Variants in SOD2 observed in about 807,000 individuals in gnomAD.
SOD2 encodes the protein superoxide dismutase [Mn], mitochondrial.
In SOD2, 11 loss-of-function variants were observed where a neutral mutation model predicts 27.0. The observed-to-expected ratio is 0.41, with a 90% CI of 0.26 to 0.67. The LOEUF (loss-of-function observed/expected upper bound fraction) is 0.67. Ranked by LOEUF, SOD2 falls within the 30% of genes least tolerant of loss-of-function variation. SOD2 has a pLI of 0.34. For missense variants in SOD2, 250 were observed against 274.5 expected (o/e 0.91, Z 0.63); for synonymous variants, 105 against 103.0 (o/e 1.02, Z -0.12).
upstream of SOD2, among the ~76,000 whole-genome samples, chr6:159,747,189 A>G (rs1394508841): frequency 6.6e-6 from 1 of 152,232 alleles, no homozygotes; most frequent in Admixed American, 6.5e-5. Context: ...GAAGAAAATG[A>G]TGAATTTAAT....
chr6:159,712,632 CCTCCA>C, intron 1 of SOD2, among the ~76,000 whole-genome samples: 1 of 147,660 alleles, frequency 6.8e-6, no homozygotes, highest in Non-Finnish European at 1.5e-5. Context: ...TCCATAACCA[CCTCCA>C]TAACCACCAC....
At chr6:159,707,733 T>C (rs1487479486) in intron 1 of SOD2, among the ~76,000 whole-genome samples, 2 of 151,948 alleles carry the variant, frequency 1.3e-5, no homozygotes, top group Admixed American at 6.6e-5. Flanking sequence ...TTCCAATCAA[T>C]AGAAAAAGAG....
At chr6:159,727,659 C>T (rs1328390020), upstream of SOD2, 4 of 985,478 alleles carry the variant, frequency 4.1e-6, no homozygotes, top group Non-Finnish European at 4.8e-6. Context: ...AGCGCGGCCT[C>T]GGCCTATGCG....
upstream of SOD2, among the ~76,000 whole-genome samples, chr6:159,694,299 A>C (rs1010348484): frequency 1.2e-4 from 18 of 152,214 alleles, no homozygotes; most frequent in Admixed American, 1.0e-3. Flanking sequence ...GGAAATCTAC[A>C]CTGCCATTGG....
chr6:159,727,723 C>T (rs1157698705), upstream of SOD2: 12 of 985,302 alleles, frequency 1.2e-5, no homozygotes, highest in South Asian at 4.7e-5. Flanking sequence ...GGCCGGCTGG[C>T]GGGAGCGGAC....
chr6:159,748,226 G>T (rs7766006), upstream of SOD2: 322,389 of 1,613,474 alleles, frequency 0.2, 33,620 homozygotes, highest in East Asian at 0.38. The surrounding 1 kb of genome is among the most constrained non-coding windows in gnomAD (Gnocchi z 5.6). Flanking sequence ...TCCAGCAGCC[G>T]AGCGTTGCCC....
chr6:159,731,636 CTG>C (rs1241258795), upstream of SOD2, among the ~76,000 whole-genome samples: 5 of 152,140 alleles, frequency 3.3e-5, no homozygotes, highest in African/African-American at 9.7e-5. Context: ...AACACTGAGT[CTG>C]TGTTTTTGAT....
intron 1 of SOD2, among the ~76,000 whole-genome samples, chr6:159,704,993 C>G (rs1197490416): frequency 6.6e-6 from 1 of 152,234 alleles, no homozygotes; most frequent in Non-Finnish European, 1.5e-5. Flanking sequence ...GCAGCCTCCA[C>G]TGCTGATTCC....
At chr6:159,696,521 T>C (rs1317699918), upstream of SOD2, among the ~76,000 whole-genome samples, 1 of 152,024 alleles carries the variant, frequency 6.6e-6, no homozygotes, top group Non-Finnish European at 1.5e-5. Flanking sequence ...GGTTTCACCA[T>C]GTTGGCCAGG....
intron 2 of SOD2, chr6:159,690,918 C>T (rs974852480): frequency 1.3e-5 from 2 of 151,924 alleles, no homozygotes; most frequent in South Asian, 2.1e-4. Flanking sequence ...AAGTCAAATG[C>T]TTTTTGTTGA....
rs1583091982 is a variant in SOD2, at chr6:159,743,857, A to T, written c.-116+1273T>A. The T allele has an allele frequency of 2.0e-6, 3 of 1,466,430 alleles. No individual in the cohort carries two copies. The African/African-American group carries it at 4.3e-5, about 21-fold the overall frequency. The allele number at this position is 1,466,430 out of a possible 1,614,324, so 90.8% of individuals were successfully genotyped here. ...ATTGGTTTTTAGTCCACATTATTAC[A>T]TGTTAATTTTAAACATTTAATGCTA... On this transcript the variant is annotated intron_variant, in intron 1 of 3. Transcript: ENST00000537657.
chr6:159,728,269 A>AT (rs553143386), upstream of SOD2, among the ~76,000 whole-genome samples: 1,896 of 151,682 alleles, frequency 0.012, 17 homozygotes, highest in Middle Eastern at 0.037. Context: ...CAGTTACTAG[A>AT]TTTTTTTTTC....
chr6:159,688,379 G>GC, intron 2 of SOD2, 137 bp from the exon 3 acceptor site: 2 of 597,764 alleles, frequency 3.3e-6, no homozygotes, highest in Non-Finnish European at 3.0e-6. Context: ...CTAAAATTCA[G>GC]CACCCCCCCG....
At chr6:159,704,597 G>A (rs557199455) in intron 1 of SOD2, among the ~76,000 whole-genome samples, 9 of 152,294 alleles carry the variant, frequency 5.9e-5, no homozygotes, top group Non-Finnish European at 1.3e-4. Context: ...TGCCATTGCC[G>A]AGGCTTGAGC....
upstream of SOD2, among the ~76,000 whole-genome samples, chr6:159,729,528 C>T (rs1369246675): frequency 6.6e-6 from 1 of 152,156 alleles, no homozygotes; most frequent in African/African-American, 2.4e-5. Context: ...TCTAAGTGCA[C>T]ATTGAAGTTG....
intron 2 of SOD2, among the ~76,000 whole-genome samples, chr6:159,690,477 T>C (rs190482783): frequency 9.9e-5 from 15 of 152,146 alleles, no homozygotes; most frequent in African/African-American, 3.6e-4. Flanking sequence ...GGAACATACG[T>C]AGACAATGCT....
rs1466869679 is a variant in SOD2 at position 159,677,885 on chromosome 6, G to C, written c.*4608C>G. On this transcript the variant is annotated 3_prime_UTR_variant, in exon 5 of 5. Coordinates refer to ENST00000538183, the MANE Select transcript of SOD2 (RefSeq NM_000636.4). Reference sequence around the variant, plus strand: ...TGGTCTCTTGGCTCCTAAACCCCTTGAAGTATCTTTGGTTTGCCAATGAAA... The same window carrying C: ...TGGTCTCTTGGCTCCTAAACCCCTTCAAGTATCTTTGGTTTGCCAATGAAA... 1 of 152,148 alleles carries C rather than the reference G, an allele frequency of 6.6e-6. No homozygotes were observed. Among genetic ancestry groups the C allele is most frequent in the Admixed American group, 6.5e-5 (1 of 15,272 alleles). The allele number at this position is 152,148 out of a possible 1,614,324, so 9.4% of individuals were successfully genotyped here.
rs1487766962 is a variant in SOD2 at position 159,678,463 on chromosome 6, G to T, written c.*4030C>A. 1 of 152,194 alleles carries T rather than the reference G, an allele frequency of 6.6e-6. No individual in the cohort carries two copies. Among genetic ancestry groups the T allele is most frequent in the African/African-American group, 2.4e-5 (1 of 41,438 alleles). 9.4% of individuals were successfully genotyped at this position (152,194 alleles called of 1,614,324 possible). ...AATCGCTTGAACTCAGGAGGTGGAGGTTGCAGTGAGTTGAGACTGTGCCAC... is the reference window on the plus strand; with the variant it reads ...AATCGCTTGAACTCAGGAGGTGGAGTTTGCAGTGAGTTGAGACTGTGCCAC... On this transcript the variant is annotated 3_prime_UTR_variant, in exon 5 of 5. Transcript: ENST00000538183.
rs1582993031 is a variant in SOD2 at position 159,670,475 on chromosome 6, T to C, written c.*12018A>G. 6.6e-6 allele frequency: 1 copy of C among 152,208 alleles called. No homozygotes were observed. The highest frequency in any genetic ancestry group is 2.4e-5 in the African/African-American group (1 of 41,444). 9.4% of individuals were successfully genotyped at this position (152,208 alleles called of 1,614,324 possible). On this transcript the variant is annotated 3_prime_UTR_variant, in exon 5 of 5. Coordinates refer to ENST00000538183, the MANE Select transcript of SOD2 (RefSeq NM_000636.4). ...AGCACTACCAGCAAGTATACCCTAC[T>C]GGTTGGAGAACTTTGTTTAAAGGAT...
Sources: gnomAD v4.1 joint callset for allele counts (sites outside exome capture counted in the v4.1 genomes callset) on GRCh38, gnomAD v4.1.1 for gene constraint, Gnocchi (gnomAD v3.1) non-coding constraint, MANE v1.5 for transcripts, NCBI Gene and HGNC (gene_info 2026-07-23, HGNC 2026-07-21) for gene names.